Variants in CSMD1 observed in about 807,000 individuals in gnomAD.
The protein encoded by CSMD1 is CUB and sushi domain-containing protein 1.
Under a neutral mutation model 417.5 loss-of-function variants are expected in CSMD1, and 213 were observed. That is an observed-to-expected ratio of 0.51 (90% CI 0.46 to 0.57). The LOEUF is 0.57. CSMD1 is among the 20% of genes least tolerant of loss of function. The pLI, the probability that CSMD1 is intolerant of heterozygous loss-of-function variation, is 0.00. For synonymous variants in CSMD1, 2,862 were observed against 1,736.8 expected (o/e 1.65, Z -16.11); for missense variants, 6,923 against 4,529.7 (o/e 1.53, Z -15.17).
intron 5 of CSMD1, among the ~76,000 whole-genome samples, chr8:3,823,040 T>C (rs1585048813): frequency 6.6e-6 from 1 of 152,302 alleles, no homozygotes; most frequent in East Asian, 1.9e-4. Flanking sequence ...GCATCAGTAG[T>C]TTATGATTTC....
chr8:4,466,190 G>A (rs1367107369), intron 2 of CSMD1, among the ~76,000 whole-genome samples: 2 of 152,182 alleles, frequency 1.3e-5, no homozygotes, highest in Non-Finnish European at 2.9e-5. Flanking sequence ...GTTTAAGATT[G>A]GGCATGATGC....
intron 18 of CSMD1, among the ~76,000 whole-genome samples, chr8:3,382,326 A>C (rs1810678744): frequency 6.8e-6 from 1 of 147,132 alleles, no homozygotes. Context: ...GGTTATTTAT[A>C]TATATATATA....
intron 25 of CSMD1, among the ~76,000 whole-genome samples, chr8:3,294,051 A>G (rs1310216526): frequency 6.6e-6 from 1 of 151,928 alleles, no homozygotes; most frequent in East Asian, 1.9e-4. Context: ...AACAGTCAGG[A>G]CCCTCAGCTG....
At chr8:4,844,432 T>C (rs1045936335) in intron 1 of CSMD1, among the ~76,000 whole-genome samples, 5 of 152,172 alleles carry the variant, frequency 3.3e-5, no homozygotes, top group African/African-American at 1.2e-4. Context: ...CCACTCCTTT[T>C]ATTTTCGATT....
chr8:4,363,911 AG>A (rs1801921174), intron 3 of CSMD1, among the ~76,000 whole-genome samples: 1 of 152,228 alleles, frequency 6.6e-6, no homozygotes, highest in Non-Finnish European at 1.5e-5. Flanking sequence ...GAAAGGGTGT[AG>A]GGCAGGGGGG....
At chr8:3,144,305 A>G (rs67595160) in intron 40 of CSMD1, among the ~76,000 whole-genome samples, 32,190 of 152,088 alleles carry the variant, frequency 0.21, 4,087 homozygotes, top group South Asian at 0.45. Flanking sequence ...AAGAGCTGAC[A>G]GTCTCATGAT....
intron 3 of CSMD1, among the ~76,000 whole-genome samples, chr8:4,180,172 C>T (rs1190458257): frequency 6.6e-6 from 1 of 151,940 alleles, no homozygotes; most frequent in African/African-American, 2.4e-5. Flanking sequence ...GACTTGGAAC[C>T]AACCCAAATG....
At chr8:4,038,181 T>C (rs977204024) in intron 3 of CSMD1, among the ~76,000 whole-genome samples, 3 of 152,292 alleles carry the variant, frequency 2.0e-5, no homozygotes, top group South Asian at 2.1e-4. Context: ...GGATTGGGGA[T>C]TTTTATCTTC....
chr8:3,237,814 C>CTTATAGTACAAATATAATTTTTATAA (rs1563171785), intron 26 of CSMD1, among the ~76,000 whole-genome samples: 3 of 112,930 alleles, frequency 2.7e-5, no homozygotes, highest in African/African-American at 9.7e-5. Flanking sequence ...TATAATTATA[C>CTTATAGTACAAATATAATTTTTATAA]TTATACTACA....
In CSMD1 at chr8:4,919,923, A is replaced by C. The variant is rs1806323509; in HGVS notation, c.85+74409T>G. On this transcript the variant is annotated intron_variant, in intron 1 of 69. Coordinates refer to ENST00000635120, the MANE Select transcript of CSMD1 (RefSeq NM_033225.6). The stretch of plus-strand genomic sequence containing the variant: ...AGGTATTCTCTTGGAAGCAGAGAAC[A>C]GCCCTCAACAGACACCAGACCTGCC... 2.0e-5 allele frequency among the ~76,000 whole-genome samples: 3 copies of C among 152,304 alleles called. No individual in the cohort carries two copies. The South Asian group carries it at 6.2e-4, about 32-fold the overall frequency.
chr8:4,013,698 T>A (rs1393751086), intron 4 of CSMD1, among the ~76,000 whole-genome samples: 1 of 152,240 alleles, frequency 6.6e-6, no homozygotes, highest in African/African-American at 2.4e-5. Context: ...TTTGTTCATA[T>A]TGTAGCCCCA....
At chr8:4,944,242 G>A (rs1401368624) in intron 1 of CSMD1, among the ~76,000 whole-genome samples, 2 of 152,150 alleles carry the variant, frequency 1.3e-5, no homozygotes, top group Non-Finnish European at 2.9e-5. Flanking sequence ...ATAGAAAGTA[G>A]AGCGACCTCA....
At chr8:3,556,549 CA>C (rs1446917587) in intron 10 of CSMD1, among the ~76,000 whole-genome samples, 163 of 58,378 alleles carry the variant, frequency 2.8e-3, no homozygotes, top group Middle Eastern at 0.011. Context: ...CACACACACA[CA>C]CCCTCTCTCT....
At chr8:4,432,051 G>A (rs1216930131) in intron 2 of CSMD1, among the ~76,000 whole-genome samples, 5 of 152,106 alleles carry the variant, frequency 3.3e-5, no homozygotes, top group Admixed American at 2.6e-4. Context: ...ATTTGGTAGT[G>A]CTCACAGACT....
At chr8:3,910,132 T>A (rs1292829161) in intron 5 of CSMD1, among the ~76,000 whole-genome samples, 1 of 152,182 alleles carries the variant, frequency 6.6e-6, no homozygotes, top group Non-Finnish European at 1.5e-5. Context: ...TAACAGTGTG[T>A]GAGCTTTTCT....
chr8:3,315,370 A>ATG (rs994266692), intron 23 of CSMD1, among the ~76,000 whole-genome samples: 11 of 151,414 alleles, frequency 7.3e-5, no homozygotes, highest in African/African-American at 2.7e-4. Context: ...ATTTCCTGAA[A>ATG]TGTGTGATTG....
intron 25 of CSMD1, among the ~76,000 whole-genome samples, chr8:3,307,197 A>AATGTAAGCACAAGTTGG (rs1296425906): frequency 1.3e-5 from 2 of 152,116 alleles, no homozygotes; most frequent in African/African-American, 4.8e-5. Flanking sequence ...TAGCAAGTGT[A>AATGTAAGCACAAGTTGG]ATGTAAGCAC....
chr8:3,679,013 C>T (rs575618227), intron 7 of CSMD1, among the ~76,000 whole-genome samples: 1 of 152,112 alleles, frequency 6.6e-6, no homozygotes, highest in Non-Finnish European at 1.5e-5. Flanking sequence ...CAGACCTCCC[C>T]TAAAAGACCT....
intron 3 of CSMD1, among the ~76,000 whole-genome samples, chr8:4,288,911 C>A (rs1797209296): frequency 1.3e-5 from 2 of 152,238 alleles, no homozygotes; most frequent in African/African-American, 4.8e-5. Context: ...CTTTTAAAGT[C>A]CTCATTCCAT....
Sources: gnomAD v4.1 joint callset for allele counts (sites outside exome capture counted in the v4.1 genomes callset) on GRCh38, gnomAD v4.1.1 for gene constraint, MANE v1.5 for transcripts, NCBI Gene and HGNC (gene_info 2026-07-23, HGNC 2026-07-21) for gene names.